Variants in FAM184B observed in about 807,000 individuals in gnomAD.
FAM184B encodes the protein family with sequence similarity 184 member B.
In FAM184B, 111 loss-of-function variants were observed where a neutral mutation model predicts 135.9. The ratio of observed to expected loss-of-function variants is 0.82; its 90% CI spans 0.70 to 0.96. The LOEUF (loss-of-function observed/expected upper bound fraction) is 0.96, where lower values mean the gene tolerates loss of function less well. FAM184B is among the 40% of genes least tolerant of loss of function. FAM184B has a pLI of 0.00. For missense variants in FAM184B, 1,375 were observed against 1,323.9 expected, an observed-to-expected ratio of 1.04 and a Z score of -0.60; for synonymous variants, 552 against 524.8, an observed-to-expected ratio of 1.05 and a Z score of -0.71.
chr4:17,660,473 T>G (rs181052157), intron 8 of FAM184B, among the ~76,000 whole-genome samples: 102 of 152,228 alleles, frequency 6.7e-4, no homozygotes, highest in African/African-American at 2.0e-3. Flanking sequence ...TTGCAGCTTT[T>G]TCTGCATCTA....
At chr4:17,740,242 C>T (rs1347804459) in intron 1 of FAM184B, among the ~76,000 whole-genome samples, 1 of 149,262 alleles carries the variant, frequency 6.7e-6, no homozygotes, top group Admixed American at 6.8e-5. Context: ...ATTCCAGCTA[C>T]TTGGGAGACT....
intron 13 of FAM184B, among the ~76,000 whole-genome samples, chr4:17,641,461 C>CTT (rs71167316): frequency 0.023 from 1,051 of 45,658 alleles, 273 homozygotes; most frequent in Non-Finnish European, 0.03. Context: ...AGGACTCCCT[C>CTT]TTTTTTTTTT....
rs111856511 is a variant in FAM184B, at chr4:17,750,376, T to C, written c.141+30783A>G. 5.1e-3 allele frequency among the ~76,000 whole-genome samples: 770 copies of C among 152,332 alleles called. 9 individuals carry two copies. Among genetic ancestry groups the C allele is most frequent in the Non-Finnish European group, 8.6e-3 (587 of 68,028 alleles). On this transcript the variant is annotated intron_variant, in intron 1 of 17. Coordinates refer to ENST00000265018, the MANE Select transcript of FAM184B (RefSeq NM_015688.2). ...GCCAGTAAGATATTACAAACCAGTA[T>C]CACAGATACGCAAAAAATGAACTAA...
intron 1 of FAM184B, among the ~76,000 whole-genome samples, chr4:17,717,519 C>T (rs187493229): frequency 6.6e-6 from 1 of 152,192 alleles, no homozygotes; most frequent in Admixed American, 6.5e-5. Flanking sequence ...AAACCCACCT[C>T]CTATGGGGGA....
At chr4:17,659,544 C>T (rs550531967) in intron 9 of FAM184B, among the ~76,000 whole-genome samples, 10 of 151,772 alleles carry the variant, frequency 6.6e-5, no homozygotes, top group African/African-American at 9.7e-5. Context: ...TGGAGTGCAG[C>T]GGTGCGATCT....
At chr4:17,743,109 G>A (rs149950383) in intron 1 of FAM184B, among the ~76,000 whole-genome samples, 1 of 152,178 alleles carries the variant, frequency 6.6e-6, no homozygotes, top group African/African-American at 2.4e-5. Flanking sequence ...TGAGTGAAAC[G>A]GGCCACTCCA....
At chr4:17,672,761 G>A (rs1343627631) in intron 7 of FAM184B, among the ~76,000 whole-genome samples, 1 of 152,172 alleles carries the variant, frequency 6.6e-6, no homozygotes, top group Non-Finnish European at 1.5e-5. Context: ...TTTTTGATAT[G>A]TTGTTGGATT....
Position 17,735,609 on chromosome 4 carries a change from A to G in FAM184B, c.142-25965T>C, listed in dbSNP as rs77135899. On this transcript the variant is annotated intron_variant, in intron 1 of 17. Transcript: ENST00000265018. ...ACCCCTGTCATTGGCATTTTTTTTCATAGTCAAAAAGCAAATCTAAGGATG... is the reference window on the plus strand; with the variant it reads ...ACCCCTGTCATTGGCATTTTTTTTCGTAGTCAAAAAGCAAATCTAAGGATG... Among the ~76,000 whole-genome samples, 1,408 of 151,524 alleles carry G rather than the reference A, an allele frequency of 9.3e-3. 23 individuals carry two copies. Among genetic ancestry groups the G allele is most frequent in the African/African-American group, 0.032 (1,290 of 40,948 alleles).
intron 1 of FAM184B, among the ~76,000 whole-genome samples, chr4:17,779,423 T>C (rs1049388352): frequency 4.6e-5 from 7 of 152,228 alleles, no homozygotes; most frequent in Non-Finnish European, 8.8e-5. Context: ...TAATGCAGAA[T>C]ATACTTTAAG....
At chr4:17,704,098 C>G (rs1477088116) in intron 5 of FAM184B, among the ~76,000 whole-genome samples, 1 of 152,044 alleles carries the variant, frequency 6.6e-6, no homozygotes, top group Non-Finnish European at 1.5e-5. Flanking sequence ...TACTCGTAAC[C>G]CCCACACAAC....
intron 3 of FAM184B, among the ~76,000 whole-genome samples, chr4:17,707,434 T>C (rs1290420441): frequency 6.6e-6 from 1 of 152,178 alleles, no homozygotes; most frequent in Non-Finnish European, 1.5e-5. Flanking sequence ...ATCACACCTT[T>C]TAGATGTCCA....
At chr4:17,709,779 G>C (rs1717214903) in intron 1 of FAM184B, 135 bp from the exon 2 acceptor site, 1 of 800,142 alleles carries the variant, frequency 1.2e-6, no homozygotes, top group Non-Finnish European at 1.8e-6. Flanking sequence ...TGCGTGCAGG[G>C]GATTTATTAG....
At chr4:17,767,662 A>C (rs952430139) in intron 1 of FAM184B, among the ~76,000 whole-genome samples, 6 of 152,184 alleles carry the variant, frequency 3.9e-5, no homozygotes, top group African/African-American at 1.4e-4. Context: ...CTTTGTTTAC[A>C]TCTGCTGTTT....
chr4:17,764,541 G>A (rs1259307915), intron 1 of FAM184B, among the ~76,000 whole-genome samples: 1 of 152,164 alleles, frequency 6.6e-6, no homozygotes, highest in Non-Finnish European at 1.5e-5. Flanking sequence ...AGCACCCACT[G>A]TTTCCTGGCA....
At chr4:17,711,270 G>A (rs113718443) in intron 1 of FAM184B, among the ~76,000 whole-genome samples, 25 of 151,538 alleles carry the variant, frequency 1.6e-4, no homozygotes, top group Non-Finnish European at 2.7e-4. Context: ...CACATGGTCA[G>A]GAGTTCGAGA....
intron 5 of FAM184B, among the ~76,000 whole-genome samples, chr4:17,700,906 T>C (rs1218303234): frequency 6.6e-6 from 1 of 151,980 alleles, no homozygotes; most frequent in Non-Finnish European, 1.5e-5. Flanking sequence ...TTTTGGAAAT[T>C]GATAGAAATA....
rs1715041902 is a variant in FAM184B at position 17,633,894 on chromosome 4, T to G, written c.2890-6A>C. 1.3e-6 allele frequency: 2 copies of G among 1,543,166 alleles called. No homozygotes were observed. Among genetic ancestry groups the G allele is most frequent in the Non-Finnish European group, 1.7e-6 (2 of 1,143,422 alleles). On this transcript the variant is annotated splice_polypyrimidine_tract_variant and splice_region_variant and intron_variant, in intron 16 of 17. Coordinates refer to ENST00000265018, the MANE Select transcript of FAM184B (RefSeq NM_015688.2). Reference sequence around the variant, plus strand: ...ACGTCCTCCACCTTCTTTTTCTGTTTGTATTAATGGACAGGTTAGTGCAAT... The same window carrying G: ...ACGTCCTCCACCTTCTTTTTCTGTTGGTATTAATGGACAGGTTAGTGCAAT...
At chr4:17,736,233 G>A (rs1402526728) in intron 1 of FAM184B, among the ~76,000 whole-genome samples, 1 of 152,120 alleles carries the variant, frequency 6.6e-6, no homozygotes, top group Admixed American at 6.6e-5. Context: ...ACAGAACTAG[G>A]ATTCTGTTCC....
Position 17,652,878 on chromosome 4 carries a change from G to A in FAM184B, c.2143C>T (p.Leu715=). The part of the protein sequence containing the change: ...QALEEKARQE[L]QEERERMQAQ... ...TGCATCCTCTCACGCTCCTCCTGCA[G>A]CTCTTGCCTGGCCTTTTCCTCCAAG... The change falls in exon 11 of 18, where the codon CTG becomes TTG. Residue 715 remains leucine (L), a synonymous_variant. Coordinates refer to ENST00000265018, the MANE Select transcript of FAM184B (RefSeq NM_015688.2). The A allele has an allele frequency of 6.4e-7, 1 of 1,551,760 alleles. No individual in the cohort carries two copies. The highest frequency in any genetic ancestry group is 8.7e-7 in the Non-Finnish European group (1 of 1,147,010).
Sources: allele counts gnomAD v4.1 joint callset (sites outside exome capture counted in the v4.1 genomes callset), GRCh38; gene constraint gnomAD v4.1.1; transcripts MANE v1.5; gene names NCBI Gene and HGNC (gene_info 2026-07-23, HGNC 2026-07-21).